The following ATXN1 variants were observed in gnomAD, a reference collection of about 807,000 sequenced individuals.
The protein encoded by ATXN1 is ataxin 1, also known as ataxin-1.
In ATXN1, 8 loss-of-function variants were observed where a neutral mutation model predicts 56.4. That is an observed-to-expected ratio of 0.14 (90% CI 0.08 to 0.26). The LOEUF (loss-of-function observed/expected upper bound fraction) is 0.26. Ranked by LOEUF, ATXN1 falls within the 10% of genes least tolerant of loss-of-function variation. ATXN1 has a pLI of 1.00. For missense variants in ATXN1, 987 were observed against 1,106.5 expected (o/e 0.89, Z 1.53); for synonymous variants, 514 against 494.6 (o/e 1.04, Z -0.52).
chr6:16,525,780 T>C (rs1334177062), intron 4 of ATXN1, among the ~76,000 whole-genome samples: 1 of 151,558 alleles, frequency 6.6e-6, no homozygotes, highest in Non-Finnish European at 1.5e-5. Flanking sequence ...CCCATACATA[T>C]ACACACCTAT....
intron 2 of ATXN1, among the ~76,000 whole-genome samples, chr6:16,741,140 C>T (rs1760327432): frequency 6.6e-6 from 1 of 152,136 alleles, no homozygotes; most frequent in African/African-American, 2.4e-5. Flanking sequence ...CAGTCAACCT[C>T]GTAGGTTCTG....
At chr6:16,626,693 T>C (rs1763413605) in intron 3 of ATXN1, among the ~76,000 whole-genome samples, 1 of 152,252 alleles carries the variant, frequency 6.6e-6, no homozygotes, top group African/African-American at 2.4e-5. Context: ...AATTCATGTG[T>C]TGAAGCCCTA....
At chr6:16,439,384 T>TG (rs1759465475) in intron 6 of ATXN1, among the ~76,000 whole-genome samples, 1 of 1,834 alleles carries the variant, frequency 5.5e-4, no homozygotes, top group African/African-American at 3.5e-3. Context: ...GGGGCGGGAA[T>TG]AAGGGTTGGG....
chr6:16,743,785 G>C (rs560820038), intron 2 of ATXN1, among the ~76,000 whole-genome samples: 3 of 152,318 alleles, frequency 2.0e-5, no homozygotes, highest in Admixed American at 2.0e-4. Flanking sequence ...GAGGAGCTGG[G>C]TTCTAAGGAG....
At chr6:16,550,203 C>A (rs1761895790) in intron 4 of ATXN1, among the ~76,000 whole-genome samples, 1 of 150,750 alleles carries the variant, frequency 6.6e-6, no homozygotes, top group Non-Finnish European at 1.5e-5. Context: ...TATGGACACA[C>A]CCTAGCAAGT....
intron 7 of ATXN1, among the ~76,000 whole-genome samples, chr6:16,316,369 C>A (rs1038102666): frequency 6.6e-6 from 1 of 152,104 alleles, no homozygotes; most frequent in African/African-American, 2.4e-5. Flanking sequence ...GTATATTTGT[C>A]TGTTTTGCCT....
intron 3 of ATXN1, among the ~76,000 whole-genome samples, chr6:16,589,811 T>C (rs1208639987): frequency 6.6e-6 from 1 of 152,204 alleles, no homozygotes; most frequent in Non-Finnish European, 1.5e-5. Context: ...AAGCATTAAT[T>C]AGCATTAGCA....
chr6:16,360,636 G>T (rs1424724589), intron 6 of ATXN1, among the ~76,000 whole-genome samples: 1 of 152,100 alleles, frequency 6.6e-6, no homozygotes, highest in Non-Finnish European at 1.5e-5. Context: ...CTCTTCAACG[G>T]GTTTTTAAGT....
intron 5 of ATXN1, among the ~76,000 whole-genome samples, chr6:16,511,087 G>A (rs1409307507): frequency 6.6e-6 from 1 of 151,708 alleles, no homozygotes; most frequent in African/African-American, 2.4e-5. Context: ...TACGTTCTTT[G>A]AACTGTAACA....
At chr6:16,531,712 C>T (rs1323547185) in intron 4 of ATXN1, among the ~76,000 whole-genome samples, 1 of 151,510 alleles carries the variant, frequency 6.6e-6, no homozygotes, top group East Asian at 1.9e-4. Context: ...GACATGAAAG[C>T]CATTGCCCCA....
At chr6:16,707,575 G>A (rs867252317) in intron 2 of ATXN1, among the ~76,000 whole-genome samples, 2 of 152,262 alleles carry the variant, frequency 1.3e-5, no homozygotes, top group South Asian at 2.1e-4. Flanking sequence ...AGTCATTTCC[G>A]GTTCCAAGCA....
chr6:16,355,235 C>T (rs1414369188), intron 6 of ATXN1, among the ~76,000 whole-genome samples: 1 of 152,194 alleles, frequency 6.6e-6, no homozygotes, highest in East Asian at 1.9e-4. Flanking sequence ...CCCACAGATG[C>T]CGCTGTACTT....
At chr6:16,381,110 T>G (rs7774332) in intron 6 of ATXN1, among the ~76,000 whole-genome samples, 1 of 151,900 alleles carries the variant, frequency 6.6e-6, no homozygotes, top group African/African-American at 2.4e-5. Context: ...GCCAACATGG[T>G]GAAACCCTGT....
At chr6:16,530,945 T>C (rs1761492146) in intron 4 of ATXN1, among the ~76,000 whole-genome samples, 1 of 152,210 alleles carries the variant, frequency 6.6e-6, no homozygotes, top group South Asian at 2.1e-4. Flanking sequence ...TGCCAAAACA[T>C]ACCATATAAA....
intron 2 of ATXN1, among the ~76,000 whole-genome samples, chr6:16,680,268 A>G (rs1345555491): frequency 2.6e-5 from 4 of 152,040 alleles, no homozygotes; most frequent in Non-Finnish European, 5.9e-5. Context: ...AGACCCAGGC[A>G]TCTTTGGGAC....
Position 16,427,384 on chromosome 6 carries a change from G to A in ATXN1, c.-161+58588C>T, listed in dbSNP as rs548081073. Among the ~76,000 whole-genome samples, 11 of 152,254 alleles carry A rather than the reference G, an allele frequency of 7.2e-5. No homozygotes were observed. The South Asian group carries it at 8.3e-4, about 12-fold the overall frequency. Reference sequence around the variant, plus strand: ...CAGACATTGCCAACTTGCCCACGGCGGAGGGAGCAAAATTAGAATCACGGA... The same window carrying A: ...CAGACATTGCCAACTTGCCCACGGCAGAGGGAGCAAAATTAGAATCACGGA... On this transcript the variant is annotated intron_variant, in intron 6 of 7. Transcript: ENST00000436367.
At chr6:16,692,936 A>G (rs1462673863) in intron 2 of ATXN1, among the ~76,000 whole-genome samples, 1 of 152,144 alleles carries the variant, frequency 6.6e-6, no homozygotes, top group Admixed American at 6.5e-5. Context: ...TTTCTCCTCT[A>G]CTTAAGCTCA....
At chr6:16,664,352 T>C (rs750611932) in intron 2 of ATXN1, among the ~76,000 whole-genome samples, 5 of 152,272 alleles carry the variant, frequency 3.3e-5, no homozygotes, top group African/African-American at 7.2e-5. Context: ...AAATAAAGTA[T>C]GGATTTGAAG....
intron 3 of ATXN1, among the ~76,000 whole-genome samples, chr6:16,635,115 G>A (rs763731003): frequency 7.9e-5 from 12 of 152,154 alleles, no homozygotes; most frequent in South Asian, 4.2e-4. Flanking sequence ...GGTCAGCAAC[G>A]GCATGAGATT....
Sources: gnomAD v4.1 joint callset for allele counts (sites outside exome capture counted in the v4.1 genomes callset) on GRCh38, gnomAD v4.1.1 for gene constraint, MANE v1.5 for transcripts, NCBI Gene and HGNC (gene_info 2026-07-23, HGNC 2026-07-21) for gene names.